MAP3K5: variants seen among roughly 807,000 people sequenced by gnomAD.
MAP3K5 encodes the protein mitogen-activated protein kinase kinase kinase 5.
MAP3K5 carries 56 observed loss-of-function variants against 158.7 expected under a neutral mutation model. The ratio of observed to expected loss-of-function variants is 0.35; its 90% CI spans 0.28 to 0.44. MAP3K5 has a LOEUF of 0.44. Among genes scored for constraint, MAP3K5 ranks in the 20% least tolerant of loss-of-function variants. The probability of loss-of-function intolerance (pLI) is 1.00; values close to 1 mark genes in which losing one functional copy is unlikely to be tolerated. For missense variants in MAP3K5, 1,294 were observed against 1,674.8 expected (o/e 0.77, Z 3.97); for synonymous variants, 579 against 601.7 (o/e 0.96, Z 0.55).
chr6:136,569,226 T>C (rs1274865210), intron 25 of MAP3K5, among the ~76,000 whole-genome samples: 1 of 152,208 alleles, frequency 6.6e-6, no homozygotes, highest in Non-Finnish European at 1.5e-5. Flanking sequence ...CTCTGACATA[T>C]TTTGGAACGG....
At chr6:136,716,572 G>T (rs1382707212) in intron 2 of MAP3K5, among the ~76,000 whole-genome samples, 4 of 152,138 alleles carry the variant, frequency 2.6e-5, no homozygotes, top group Non-Finnish European at 5.9e-5. Context: ...CACAAAACAG[G>T]TTCATTTCTC....
chr6:136,695,148 T>C (rs528452052), intron 6 of MAP3K5, among the ~76,000 whole-genome samples: 1 of 152,266 alleles, frequency 6.6e-6, no homozygotes, highest in South Asian at 2.1e-4. Flanking sequence ...ATTTAGTTTG[T>C]TTGTTTGGAG....
chr6:136,669,234 G>A (rs1272721990), intron 8 of MAP3K5, 49 bp downstream of exon 8: 2 of 1,179,754 alleles, frequency 1.7e-6, no homozygotes, highest in South Asian at 1.2e-5. Context: ...TTTGCACCAA[G>A]TTGGGTCCAG....
chr6:136,718,459 C>T (rs971231879), intron 2 of MAP3K5, among the ~76,000 whole-genome samples: 4 of 152,148 alleles, frequency 2.6e-5, no homozygotes, highest in African/African-American at 9.7e-5. Context: ...GCCTCAGCTC[C>T]GCAAAGTGCT....
At chr6:136,614,331 T>A (rs1583275938) in intron 15 of MAP3K5, 45 bp from the exon 16 acceptor site, 1 of 1,593,004 alleles carries the variant, frequency 6.3e-7, no homozygotes, top group African/African-American at 1.3e-5. Context: ...GTAGCCAGAC[T>A]TTACTGTATA....
At chr6:136,682,450 A>G (rs1057266149) in intron 7 of MAP3K5, among the ~76,000 whole-genome samples, 1 of 152,218 alleles carries the variant, frequency 6.6e-6, no homozygotes, top group Non-Finnish European at 1.5e-5. Flanking sequence ...AGTTTGTTAT[A>G]TAACTCTTCC....
intron 1 of MAP3K5, among the ~76,000 whole-genome samples, chr6:136,730,332 A>G (rs1252331216): frequency 6.6e-6 from 1 of 151,384 alleles, no homozygotes; most frequent in Non-Finnish European, 1.5e-5. Context: ...GCTTGAGTTC[A>G]TATTGGAACA....
intron 20 of MAP3K5, among the ~76,000 whole-genome samples, chr6:136,601,543 G>C (rs574065339): frequency 6.6e-6 from 1 of 152,138 alleles, no homozygotes; most frequent in Non-Finnish European, 1.5e-5. Flanking sequence ...CAATGTTAGA[G>C]TGATATAGAT....
At chr6:136,677,902 G>T (rs1317403439) in intron 7 of MAP3K5, among the ~76,000 whole-genome samples, 1 of 152,180 alleles carries the variant, frequency 6.6e-6, no homozygotes, top group East Asian at 1.9e-4. Flanking sequence ...CAGGTACAAG[G>T]CATTGAATGA....
At chr6:136,631,785 A>G (rs1026824084) in intron 14 of MAP3K5, among the ~76,000 whole-genome samples, 2 of 152,106 alleles carry the variant, frequency 1.3e-5, no homozygotes, top group Admixed American at 6.5e-5. Flanking sequence ...TTCAGATTGA[A>G]TCTCTTTTAC....
intron 25 of MAP3K5, among the ~76,000 whole-genome samples, chr6:136,574,484 G>A (rs139181072): frequency 1.1e-4 from 16 of 152,090 alleles, no homozygotes; most frequent in African/African-American, 3.9e-4. Context: ...ACCTTAGCAC[G>A]GCCATCATAG....
intron 25 of MAP3K5, among the ~76,000 whole-genome samples, chr6:136,575,316 C>T (rs574312079): frequency 9.2e-4 from 140 of 151,948 alleles, no homozygotes; most frequent in African/African-American, 3.2e-3. Context: ...CACATGCTGC[C>T]ATGCCTGACT....
At chr6:136,747,396 T>C (rs1247019847) in intron 1 of MAP3K5, among the ~76,000 whole-genome samples, 2 of 152,168 alleles carry the variant, frequency 1.3e-5, no homozygotes, top group South Asian at 2.1e-4. Context: ...GCTGTCTAGA[T>C]ACACTCTGGC....
chr6:136,571,584 C>T (rs1037418689), intron 25 of MAP3K5, among the ~76,000 whole-genome samples: 2 of 152,188 alleles, frequency 1.3e-5, no homozygotes, highest in Non-Finnish European at 2.9e-5. Context: ...GTCAGAATTT[C>T]CTTCCTTTCT....
intron 23 of MAP3K5, among the ~76,000 whole-genome samples, chr6:136,587,123 CAA>C (rs1338130909): frequency 3.9e-5 from 6 of 152,148 alleles, no homozygotes; most frequent in Non-Finnish European, 8.8e-5. Flanking sequence ...TAAACTTCCT[CAA>C]AAACCAGGAA....
intron 1 of MAP3K5, among the ~76,000 whole-genome samples, chr6:136,779,666 T>G (rs951655628): frequency 1.3e-5 from 2 of 152,170 alleles, no homozygotes; most frequent in African/African-American, 4.8e-5. Flanking sequence ...ATAGGCTTAT[T>G]TGGAACAGTC....
At chr6:136,779,442 C>CAA (rs35110376) in intron 1 of MAP3K5, among the ~76,000 whole-genome samples, 1,898 of 100,638 alleles carry the variant, frequency 0.019, 63 homozygotes, top group African/African-American at 0.052. Context: ...CACCCTGTCT[C>CAA]AAAAAAAAAA....
chr6:136,773,899 C>A (rs933909263), intron 1 of MAP3K5, among the ~76,000 whole-genome samples: 16 of 152,082 alleles, frequency 1.1e-4, no homozygotes, highest in African/African-American at 3.9e-4. Context: ...AGGTGATCTG[C>A]CTGCCTCAGC....
chr6:136,694,334 T>C, intron 6 of MAP3K5, 24 bp from the exon 7 acceptor site: 2 of 1,584,436 alleles, frequency 1.3e-6, no homozygotes, highest in Admixed American at 3.4e-5. Flanking sequence ...CATTGTTGTT[T>C]CAATATACAT....
Sources: gnomAD v4.1 joint callset for allele counts (sites outside exome capture counted in the v4.1 genomes callset) on GRCh38, gnomAD v4.1.1 for gene constraint, MANE v1.5 for transcripts, NCBI Gene and HGNC (gene_info 2026-07-23, HGNC 2026-07-21) for gene names.